The following IPO11 variants were observed in gnomAD, a reference collection of about 807,000 sequenced individuals.
IPO11 encodes importin-11.
A neutral mutation model predicts 143.2 loss-of-function variants in IPO11; 66 were observed. The ratio of observed to expected loss-of-function variants is 0.46; its 90% CI spans 0.38 to 0.57. The LOEUF (loss-of-function observed/expected upper bound fraction) is 0.57. IPO11 is among the 20% of genes least tolerant of loss of function. The probability of loss-of-function intolerance (pLI) is 0.00; values close to 1 mark genes in which losing one functional copy is unlikely to be tolerated. For missense variants in IPO11, 1,026 were observed against 1,141.0 expected (o/e 0.90, Z 1.45); for synonymous variants, 385 against 377.8 (o/e 1.02, Z -0.22).
rs565235961 is a variant in IPO11, at chr5:62,508,154, TC to T, written c.1782+1798del. On this transcript the variant is annotated intron_variant, in intron 19 of 29. Transcript: ENST00000325324. ...AAATTTTATCTTTTTTGAGATGAAG[TC>T]TTGCTCTCCCCCCCGGGCTGGAGTG... is the stretch of plus-strand genomic sequence containing the variant. 5.2e-3 allele frequency among the ~76,000 whole-genome samples: 786 copies of T among 152,290 alleles called. 7 individuals are homozygous for T. Among genetic ancestry groups the T allele is most frequent in the Middle Eastern group, 0.01 (3 of 294 alleles).
rs1473031410 is a variant in IPO11, at chr5:62,467,259, G to T, written c.645G>T (p.Leu215Phe). 1 of 1,612,660 alleles carries T rather than the reference G, an allele frequency of 6.2e-7. No homozygotes were observed. Among genetic ancestry groups the T allele is most frequent in the South Asian group, 1.1e-5 (1 of 90,754 alleles). The change falls in exon 6 of 30, where the codon TTG becomes TTT. Residue 215 changes from leucine (L) to phenylalanine (F), a missense_variant. Coordinates refer to ENST00000325324, the MANE Select transcript of IPO11 (RefSeq NM_016338.5). Reference sequence around the variant, plus strand: ...CACTAGAACGAACACTGCTATCATTGAAAGGTACTATTAAGCTTGATATGT... The same window carrying T: ...CACTAGAACGAACACTGCTATCATTTAAAGGTACTATTAAGCTTGATATGT... ...LSSLERTLLS[L>F]KVLRKLTVNG...
chr5:62,598,525 TCTTTTCTTTCTTTTCTTTCTTTTCTTTC>T lies in IPO11; in HGVS notation c.2679-3238_2679-3211del, dbSNP rs1281546690. On this transcript the variant is annotated intron_variant, in intron 28 of 29. Transcript: ENST00000325324. ...TTCTTTCTTTCTTTCTTTCTTTCTT[TCTTTTCTTTCTTTTCTTTCTTTTCTTTC>T]TTTTTTTTTTTTATGGAGTCTTGCC... 1.9e-3 allele frequency among the ~76,000 whole-genome samples: 24 copies of T among 12,352 alleles called. 5 individuals carry two copies. In the African/African-American group the frequency reaches 0.024, roughly 12 times the overall value. The allele number at this position is 12,352 out of a possible 152,430, so 8.1% of individuals were successfully genotyped here.
chr5:62,483,067 A>G, intron 9 of IPO11, 34 bp from the exon 10 acceptor site: 1 of 1,314,810 alleles, frequency 7.6e-7, no homozygotes, highest in Non-Finnish European at 1.1e-6. Context: ...TGGGGAAAAT[A>G]CATTTTAATT....
chr5:62,625,197 A>G (rs1338943499), intron 29 of IPO11, among the ~76,000 whole-genome samples: 2 of 152,188 alleles, frequency 1.3e-5, no homozygotes, highest in African/African-American at 2.4e-5. Flanking sequence ...ATAATGGGAA[A>G]CTTTGTTTCA....
intron 28 of IPO11, among the ~76,000 whole-genome samples, chr5:62,596,235 C>T (rs1314304476): frequency 7.8e-6 from 1 of 127,526 alleles, no homozygotes; most frequent in African/African-American, 3.1e-5. Flanking sequence ...CACCACTACA[C>T]TCCAGCTTGG....
Position 62,415,532 on chromosome 5 carries a change from G to A in IPO11, c.-7+2603G>A, listed in dbSNP as rs570756979. Among the ~76,000 whole-genome samples the A allele has an allele frequency of 5.2e-3, 752 of 145,172 alleles. 8 individuals carry two copies. Among genetic ancestry groups the A allele is most frequent in the African/African-American group, 0.019 (723 of 38,536 alleles). On this transcript the variant is annotated intron_variant, in intron 1 of 29. Coordinates refer to ENST00000325324, the MANE Select transcript of IPO11 (RefSeq NM_016338.5). ...TGCCCAGGCTGGAGTGCAGTGGCGC[G>A]ATCTCAATTCACTGCAACCTCCGCC...
intron 9 of IPO11, among the ~76,000 whole-genome samples, chr5:62,477,985 C>T (rs986550376): frequency 4.6e-5 from 7 of 152,082 alleles, no homozygotes; most frequent in Non-Finnish European, 7.3e-5. Context: ...AACTTTGAGT[C>T]TTCATGACAT....
At chr5:62,492,347 G>T (rs1476706957) in intron 15 of IPO11, among the ~76,000 whole-genome samples, 2 of 152,062 alleles carry the variant, frequency 1.3e-5, no homozygotes, top group African/African-American at 4.8e-5. Context: ...TCTGTCCCTT[G>T]AAATGACATT....
At chr5:62,545,180 G>A (rs560045606) in intron 24 of IPO11, among the ~76,000 whole-genome samples, 159 of 152,262 alleles carry the variant, frequency 1.0e-3, no homozygotes, top group African/African-American at 3.6e-3. Flanking sequence ...GAGGCATCAT[G>A]CTACCTGACT....
chr5:62,591,095 A>T (rs1339957301), intron 27 of IPO11, among the ~76,000 whole-genome samples: 1 of 152,072 alleles, frequency 6.6e-6, no homozygotes, highest in Non-Finnish European at 1.5e-5. Flanking sequence ...ACTGCACCTG[A>T]TGCCTATTTT....
intron 29 of IPO11, among the ~76,000 whole-genome samples, chr5:62,608,621 C>T (rs1745816427): frequency 6.6e-6 from 1 of 152,144 alleles, no homozygotes; most frequent in Admixed American, 6.5e-5. Flanking sequence ...CCCTTTTGTC[C>T]CTTTTCTCCC....
chr5:62,614,892 G>A (rs1188659673), intron 29 of IPO11, among the ~76,000 whole-genome samples: 3 of 152,126 alleles, frequency 2.0e-5, no homozygotes, highest in Non-Finnish European at 2.9e-5. Context: ...GTGGCTCTCA[G>A]TGAGCTGTAT....
chr5:62,492,507 G>T (rs1021593481), intron 15 of IPO11, among the ~76,000 whole-genome samples: 2 of 151,968 alleles, frequency 1.3e-5, no homozygotes, highest in Admixed American at 1.3e-4. Context: ...CTTCTTGGGG[G>T]CAGGGAATAC....
Position 62,542,599 on chromosome 5 carries a change from T to C in IPO11, c.2250+5310T>C, listed in dbSNP as rs76811264. Among the ~76,000 whole-genome samples, 1,385 of 152,310 alleles carry C rather than the reference T, an allele frequency of 9.1e-3. 20 individuals are homozygous for C. Among genetic ancestry groups the C allele is most frequent in the African/African-American group, 0.031 (1,305 of 41,558 alleles). On this transcript the variant is annotated intron_variant, in intron 24 of 29. Coordinates refer to ENST00000325324, the MANE Select transcript of IPO11 (RefSeq NM_016338.5). Reference sequence around the variant, plus strand: ...AATTTTTGACAGTGTCTGCAAGTAATTTCTTTGTTCTTTGAAGCAGAAAGT... The same window carrying C: ...AATTTTTGACAGTGTCTGCAAGTAACTTCTTTGTTCTTTGAAGCAGAAAGT...
rs941099159 is a variant in IPO11 at position 62,581,203 on chromosome 5, C to T, written c.2583-10374C>T. 86 of 1,550,674 alleles carry T rather than the reference C, an allele frequency of 5.5e-5. No individual in the cohort carries two copies. Among genetic ancestry groups the T allele is most frequent in the Non-Finnish European group, 6.7e-5 (77 of 1,146,656 alleles). On this transcript the variant is annotated intron_variant, in intron 27 of 29. Transcript: ENST00000325324. ...AACTGCCTCAATTTGTAACACTTCC[C>T]CAAATTCTCTAGAAAGTCCTGGCTT...
chr5:62,476,770 C>T lies in IPO11; in HGVS notation c.828+17C>T. The stretch of plus-strand genomic sequence containing the variant: ...ACTAAAGTGGTAAGTTTTTTAAAAA[C>T]TTGTTTTCTCAAATATAATACACAT... On this transcript the variant is annotated intron_variant, in intron 9 of 29. Coordinates refer to ENST00000325324, the MANE Select transcript of IPO11 (RefSeq NM_016338.5). The T allele has an allele frequency of 1.3e-6, 2 of 1,500,118 alleles. No individual in the cohort carries two copies. Among genetic ancestry groups the T allele is most frequent in the East Asian group, 2.4e-5 (1 of 41,706 alleles). 92.9% of individuals were successfully genotyped at this position (1,500,118 alleles called of 1,614,324 possible).
At chr5:62,524,479 CTG>C (rs1202393537) in intron 20 of IPO11, among the ~76,000 whole-genome samples, 4 of 152,146 alleles carry the variant, frequency 2.6e-5, no homozygotes, top group African/African-American at 9.6e-5. Flanking sequence ...ATGAACTTGA[CTG>C]TTTTTTTCTT....
chr5:62,467,984 G>A (rs1745628358), intron 6 of IPO11, among the ~76,000 whole-genome samples: 1 of 151,900 alleles, frequency 6.6e-6, no homozygotes, highest in Non-Finnish European at 1.5e-5. Flanking sequence ...GTCTTGCTCT[G>A]TCTCCCAGGT....
intron 1 of IPO11, among the ~76,000 whole-genome samples, chr5:62,423,365 A>G (rs1162779192): frequency 6.6e-6 from 1 of 152,126 alleles, no homozygotes. Flanking sequence ...TAGATGAGTA[A>G]AACATCATTC....
Sources: gnomAD v4.1 joint callset for allele counts (sites outside exome capture counted in the v4.1 genomes callset) on GRCh38, gnomAD v4.1.1 for gene constraint, MANE v1.5 for transcripts, NCBI Gene and HGNC (gene_info 2026-07-23, HGNC 2026-07-21) for gene names.